Variants in OTOA observed in about 807,000 individuals in gnomAD.
OTOA encodes the protein cancer/testis antigen 108.
Under a neutral mutation model 110.8 loss-of-function variants are expected in OTOA, and 70 were observed. The ratio of observed to expected loss-of-function variants is 0.63; its 90% confidence interval spans 0.52 to 0.77. OTOA has a LOEUF of 0.77. Among genes scored for constraint, OTOA ranks in the 30% least tolerant of loss-of-function variants. OTOA has a pLI of 0.00. For missense variants in OTOA, 917 were observed against 1,075.8 expected, an observed-to-expected ratio of 0.85 and a Z score of 2.06; for synonymous variants, 373 against 431.5, an observed-to-expected ratio of 0.86 and a Z score of 1.68.
In OTOA at chr16:21,678,527, C is replaced by A; in HGVS notation, c.13C>A (p.Pro5Thr). The A allele has an allele frequency of 6.2e-7, 1 of 1,613,352 alleles. No individual in the cohort carries two copies. Among genetic ancestry groups the A allele is most frequent in the Non-Finnish European group, 8.5e-7 (1 of 1,179,740 alleles). The change falls in exon 2 of 29, where the codon CCT becomes ACT. Residue 5 changes from proline to threonine, a missense_variant. Physicochemically the swap from Pro to Thr is conservative, Grantham distance 38 (BLOSUM62 -1). Around this residue, in one of 6 missense-constraint regions of OTOA, gnomAD observed 840 missense variants for 910.2 expected, o/e 0.92. Transcript: ENST00000646100. The part of the protein sequence containing the change: MSQE[P>T]TTYSLFLFLF... The stretch of plus-strand genomic sequence containing the variant: ...TAACTACAGGAGAATGTCTCAGGAA[C>A]CTACGACATACTCCCTTTTCCTATT...
intron 7 of OTOA, among the ~76,000 whole-genome samples, chr16:21,686,647 G>A (rs757301067): frequency 6.6e-6 from 1 of 152,066 alleles, no homozygotes; most frequent in South Asian, 2.1e-4. Context: ...GCTCATACCT[G>A]TAACCCTAGC....
At chr16:21,697,506 G>T (rs541698752) in intron 9 of OTOA, among the ~76,000 whole-genome samples, 2 of 152,098 alleles carry the variant, frequency 1.3e-5, no homozygotes, top group Admixed American at 6.6e-5. Context: ...GGTGGTGGGT[G>T]CCTGTAATCC....
intron 6 of OTOA, among the ~76,000 whole-genome samples, chr16:21,683,513 C>G (rs779476851): frequency 2.0e-5 from 3 of 151,848 alleles, no homozygotes; most frequent in Admixed American, 6.6e-5. Flanking sequence ...GCCAACATAG[C>G]GAGACCTTGT....
chr16:21,672,350 C>T (rs764842707), intron 1 of OTOA, among the ~76,000 whole-genome samples: 3 of 152,012 alleles, frequency 2.0e-5, no homozygotes, highest in Admixed American at 6.6e-5. Context: ...ACGCCGGGCA[C>T]GGTGGCTCAC....
At position 21,691,612 on chromosome 16, in the gene OTOA, A is replaced by G. The variant is rs781620079; in HGVS notation, c.664A>G (p.Lys222Glu). 1.3e-5 allele frequency: 21 copies of G among 1,613,978 alleles called. No individual in the cohort carries two copies. The highest frequency in any genetic ancestry group is 1.8e-5 in the Non-Finnish European group (21 of 1,179,882). The change falls in exon 9 of 29, where the codon AAA (lysine) becomes GAA (glutamate). Residue 222 changes from lysine to glutamate, a missense_variant. Transcript: ENST00000646100. Reference sequence around the variant, plus strand: ...TGCAGTGTTCAAAGATCTCTACGACAAAACCTCGGCTCATTCCCAGAGAGC... The same window carrying G: ...TGCAGTGTTCAAAGATCTCTACGACGAAACCTCGGCTCATTCCCAGAGAGC... ...LSAVFKDLYD[K>E]TSAHSQRALY...
chr16:21,672,691 G>A (rs1463507453), intron 1 of OTOA, among the ~76,000 whole-genome samples: 1 of 151,618 alleles, frequency 6.6e-6, no homozygotes, highest in African/African-American at 2.4e-5. Flanking sequence ...ATGTTTTGAT[G>A]TGTATAATGT....
rs1303552474 is a variant in OTOA at position 21,665,701 on chromosome 16, T to C, written c.-5+1469T>C. Among the ~76,000 whole-genome samples, 3 of 152,134 alleles carry C rather than the reference T, an allele frequency of 2.0e-5. No homozygotes were observed. The East Asian group carries it at 5.8e-4, about 29-fold the overall frequency. ...TCCTCATTGAATCCAAAGCCATTTGTTCTCCGGAGACTTAGGAGAGAAGAA... is the reference window on the plus strand; with the variant it reads ...TCCTCATTGAATCCAAAGCCATTTGCTCTCCGGAGACTTAGGAGAGAAGAA... On this transcript the variant is annotated intron_variant, in intron 1 of 28. Transcript: ENST00000646100.
intron 21 of OTOA, among the ~76,000 whole-genome samples, chr16:21,733,343 C>T (rs1207478902): frequency 2.0e-5 from 3 of 149,506 alleles, no homozygotes; most frequent in African/African-American, 7.3e-5. Flanking sequence ...CTCAGCTGCA[C>T]ATTAGAATCA....
rs1245705608 is a variant in OTOA at position 21,717,012 on chromosome 16, A to G, written c.1594A>G (p.Thr532Ala). 2 of 1,614,146 alleles carry G rather than the reference A, an allele frequency of 1.2e-6. No homozygotes were observed. ...AAGGAGGCAACCTGGATTCAACTCTACAGTCCTGAAGGATAAGGAACTTGG... is the reference window on the plus strand; with the variant it reads ...AAGGAGGCAACCTGGATTCAACTCTGCAGTCCTGAAGGATAAGGAACTTGG... Reference protein sequence around the residue: ...DLRRQPGFNSTVLKDKELGRS... With the variant: ...DLRRQPGFNSAVLKDKELGRS... Residue 532 changes from threonine to alanine, a missense_variant, in exon 15 of 29, where the codon ACA (threonine) becomes GCA (alanine). Thr to Ala is a moderately conservative substitution (Grantham distance 58). Coordinates refer to ENST00000646100, the MANE Select transcript of OTOA (RefSeq NM_144672.4).
chr16:21,682,978 G>T (rs988453537), intron 6 of OTOA, among the ~76,000 whole-genome samples: 4 of 152,160 alleles, frequency 2.6e-5, no homozygotes, highest in African/African-American at 9.7e-5. Flanking sequence ...AGCAATGCTT[G>T]CCACTTTTCT....
At chr16:21,667,036 G>A (rs1966841417) in intron 1 of OTOA, among the ~76,000 whole-genome samples, 1 of 152,062 alleles carries the variant, frequency 6.6e-6, no homozygotes, top group African/African-American at 2.4e-5. Context: ...TGCCCAAAGG[G>A]AAGGGAGAAA....
intron 7 of OTOA, among the ~76,000 whole-genome samples, chr16:21,686,978 G>T (rs367620094): frequency 2.0e-5 from 3 of 152,130 alleles, no homozygotes; most frequent in African/African-American, 7.2e-5. Flanking sequence ...GAGGAAAGAC[G>T]CATGAGTCCC....
intron 16 of OTOA, 88 bp from the exon 17 acceptor site, chr16:21,719,299 G>A (rs967319441): frequency 1.2e-5 from 19 of 1,552,768 alleles, no homozygotes; most frequent in Non-Finnish European, 1.6e-5. Flanking sequence ...TCTGTAGCTT[G>A]TATCTGATCA....
rs138157336 is a variant in OTOA at position 21,707,448 on chromosome 16, G to C, written c.1104+2156G>C. ...AGACAATTTTTTGGCATCAGGGACC[G>C]GTTTTGTGGAAGACAATTTTTTTCC... On this transcript the variant is annotated intron_variant, in intron 12 of 28. Transcript: ENST00000646100. Among the ~76,000 whole-genome samples, 18 of 151,916 alleles carry C rather than the reference G, an allele frequency of 1.2e-4. 1 individual carries two copies. Among genetic ancestry groups the C allele is most frequent in the Non-Finnish European group, 2.4e-4 (16 of 67,986 alleles).
intron 12 of OTOA, among the ~76,000 whole-genome samples, chr16:21,708,854 C>G (rs890050897): frequency 2.0e-5 from 3 of 152,120 alleles, no homozygotes; most frequent in Non-Finnish European, 4.4e-5. Context: ...TTATCACATT[C>G]CTTACCGAAA....
chr16:21,722,508 C>A (rs968363115), intron 17 of OTOA, among the ~76,000 whole-genome samples: 2 of 151,332 alleles, frequency 1.3e-5, no homozygotes, highest in Admixed American at 1.3e-4. Context: ...TATATATATG[C>A]ACATGCATAA....
chr16:21,724,411 C>T (rs1278369661), intron 18 of OTOA, among the ~76,000 whole-genome samples: 5 of 152,008 alleles, frequency 3.3e-5, no homozygotes, highest in Admixed American at 3.3e-4. Context: ...ACTCTGGGAA[C>T]ACATGGGGGT....
intron 13 of OTOA, among the ~76,000 whole-genome samples, chr16:21,710,856 A>T (rs1898332383): frequency 6.6e-6 from 1 of 152,118 alleles, no homozygotes; most frequent in African/African-American, 2.4e-5. Flanking sequence ...TACAAAAATT[A>T]GCTGGGCGTG....
chr16:21,707,681 CTCTT>C lies in OTOA; in HGVS notation c.1105-2198_1105-2195del, dbSNP rs1437163118. Among the ~76,000 whole-genome samples the C allele has an allele frequency of 4.4e-4, 61 of 139,090 alleles. No individual in the cohort carries two copies. The East Asian group carries it at 7.2e-3, about 16-fold the overall frequency. The allele number at this position is 139,090 out of a possible 152,430, so 91.2% of individuals were successfully genotyped here. ...TCTCTTTCTTTCTCTTTCTGTCTCT[CTCTT>C]TCTTTCTTCCCTCCTTCCTTCCTTT... On this transcript the variant is annotated intron_variant, in intron 12 of 28. Transcript: ENST00000646100.
Sources: allele counts gnomAD v4.1 joint callset (sites outside exome capture counted in the v4.1 genomes callset), GRCh38; gene constraint gnomAD v4.1.1; regional missense constraint gnomAD v4.1.1; transcripts MANE v1.5; gene names NCBI Gene and HGNC (gene_info 2026-07-23, HGNC 2026-07-21).